Variants in TST observed in about 807,000 individuals in gnomAD.
TST encodes thiosulfate sulfurtransferase, also known as epididymis secretory sperm binding protein.
A neutral mutation model predicts 20.4 loss-of-function variants in TST; 22 were observed. The ratio of observed to expected loss-of-function variants is 1.08; its 90% confidence interval spans 0.77 to 1.54. The LOEUF (loss-of-function observed/expected upper bound fraction) is 1.54, where lower values mean the gene tolerates loss of function less well. Among genes scored for constraint, TST ranks in the 40% most tolerant of loss-of-function variants. The pLI is 0.00. For synonymous variants in TST, 187 were observed against 173.8 expected (o/e 1.08, Z -0.60); for missense variants, 392 against 405.2 (o/e 0.97, Z 0.28).
chr22:37,015,692 T>G (rs140768200), intron 2 of TST, among the ~76,000 whole-genome samples: 2,320 of 152,330 alleles, frequency 0.015, 20 homozygotes, highest in Non-Finnish European at 0.023. Flanking sequence ...CCCCCAGGTC[T>G]GCCACCCCCA....
At chr22:37,016,304 C>T (rs1325835086) in intron 2 of TST, among the ~76,000 whole-genome samples, 4 of 152,060 alleles carry the variant, frequency 2.6e-5, no homozygotes, top group Non-Finnish European at 5.9e-5. Flanking sequence ...TGACTCTTCT[C>T]ATTTTATGAT....
Position 37,018,519 on chromosome 22 carries a change from C to T in TST, c.214G>A (p.Glu72Lys), listed in dbSNP as rs891012148. 2 of 1,594,512 alleles carry T rather than the reference C, an allele frequency of 1.3e-6. No individual in the cohort carries two copies. The highest frequency in any genetic ancestry group is 2.3e-5 in the East Asian group (1 of 43,942). ...CCAGCCTCGCTGGGCAGCATCATCT[C>T]GTAGGGCGACGCCGTGTCCCGGCAC... Reference protein sequence around the residue: ...EECRDTASPYEMMLPSEAGFA... With the variant: ...EECRDTASPYKMMLPSEAGFA... Residue 72 changes from glutamate (E) to lysine (K), a missense_variant, in exon 2 of 3, where the codon GAG becomes AAG. Coordinates refer to ENST00000249042, the MANE Select transcript of TST (RefSeq NM_003312.6).
intron 2 of TST, among the ~76,000 whole-genome samples, chr22:37,016,777 G>C (rs1005720475): frequency 1.3e-5 from 2 of 152,220 alleles, no homozygotes; most frequent in Admixed American, 1.3e-4. Context: ...CCTTCAGAGA[G>C]CAAGCAGGCA....
intron 2 of TST, among the ~76,000 whole-genome samples, chr22:37,014,826 G>A (rs1440814645): frequency 6.6e-6 from 1 of 152,104 alleles, no homozygotes; most frequent in Non-Finnish European, 1.5e-5. Flanking sequence ...GATTTTTAAG[G>A]CCAGGAAAAG....
At chr22:37,017,906 G>A (rs1441136394) in intron 2 of TST, among the ~76,000 whole-genome samples, 1 of 152,200 alleles carries the variant, frequency 6.6e-6, no homozygotes, top group Non-Finnish European at 1.5e-5. Flanking sequence ...CAGATGCTAG[G>A]TGGCTTCTTA....
rs1022238428 is a variant in TST at position 37,018,351 on chromosome 22, T to G, written c.382A>C (p.Asn128His). The G allele has an allele frequency of 3.7e-6, 6 of 1,613,996 alleles. No homozygotes were observed. The highest frequency in any genetic ancestry group is 5.1e-6 in the Non-Finnish European group (6 of 1,180,010). Residue 128 changes from asparagine to histidine, a missense_variant, in exon 2 of 3, where the codon AAT (asparagine) becomes CAT (histidine). Physicochemically the swap from Asn to His is moderately conservative, Grantham distance 68. Transcript: ENST00000249042. ...VFGHRTVSVL[N>H]GGFRNWLKEG... is the part of the protein sequence containing the mutation. ...TTCAGCCAGTTCCGGAAGCCACCAT[T>G]GAGCACTGATACGGTGCGGTGGCCA...
At chr22:37,018,838 C>G (rs1303309463) in intron 1 of TST, 85 bp from the exon 2 acceptor site, 5 of 941,396 alleles carry the variant, frequency 5.3e-6, no homozygotes, top group Non-Finnish European at 6.0e-6. Context: ...GGGAGAAGCT[C>G]TTTCTCCCTC....
chr22:37,018,711 G>C lies in TST; in HGVS notation c.22C>G (p.Arg8Gly). The C allele has an allele frequency of 6.0e-6, 9 of 1,507,988 alleles. No individual in the cohort carries two copies. Among genetic ancestry groups the C allele is most frequent in the Non-Finnish European group, 7.9e-6 (9 of 1,132,732 alleles). 93.4% of individuals were successfully genotyped at this position (1,507,988 alleles called of 1,614,324 possible). ...AGCCACTTGGTGGAGACCAGCGCCC[G>C]GTAGAGCACCTGATGAACCATGGCT... Reference protein sequence around the residue: MVHQVLYRALVSTKWLAE... With the variant: MVHQVLYGALVSTKWLAE... Residue 8 changes from arginine to glycine, a missense_variant, in exon 2 of 3, where the codon CGG (arginine) becomes GGG (glycine). By Grantham distance (125) the Arg-to-Gly change is moderately radical. Coordinates refer to ENST00000249042, the MANE Select transcript of TST (RefSeq NM_003312.6).
At position 37,011,262 on chromosome 22, in the gene TST, T is replaced by A; in HGVS notation, c.659A>T (p.Asp220Val). 2 of 1,613,812 alleles carry A rather than the reference T, an allele frequency of 1.2e-6. No individual in the cohort carries two copies. The highest frequency in any genetic ancestry group is 8.5e-7 in the Non-Finnish European group (1 of 1,179,998). Residue 220 changes from aspartate (D) to valine (V), a missense_variant, in exon 3 of 3, where the codon GAT becomes GTT. Asp to Val is a radical substitution (Grantham distance 152). Coordinates refer to ENST00000249042, the MANE Select transcript of TST (RefSeq NM_003312.6). Reference protein sequence around the residue: ...NMPFMDFLTEDGFEKGPEELR... With the variant: ...NMPFMDFLTEVGFEKGPEELR... ...CTCTTCTGGGCCCTTCTCGAAGCCATCCTCAGTCAGGAAGTCCATGAAAGG... is the reference window on the plus strand; with the variant it reads ...CTCTTCTGGGCCCTTCTCGAAGCCAACCTCAGTCAGGAAGTCCATGAAAGG...
chr22:37,013,885 GTTC>G (rs947226556), intron 2 of TST, among the ~76,000 whole-genome samples: 5 of 152,274 alleles, frequency 3.3e-5, no homozygotes, highest in East Asian at 3.9e-4. Context: ...GCCCCACTGT[GTTC>G]TTCTTATTAC....
intron 2 of TST, among the ~76,000 whole-genome samples, chr22:37,017,497 A>AC (rs1313981416): frequency 3.3e-5 from 5 of 150,800 alleles, no homozygotes; most frequent in South Asian, 4.3e-4. Context: ...CAGTCCCCCC[A>AC]CCCCCCGCTG....
At chr22:37,015,935 CTTTT>C (rs1000783141) in intron 2 of TST, among the ~76,000 whole-genome samples, 7 of 73,868 alleles carry the variant, frequency 9.5e-5, no homozygotes, top group Non-Finnish European at 1.5e-4. Flanking sequence ...GCCACTGCTA[CTTTT>C]TTTTTTTTTT....
At chr22:37,017,594 C>G (rs962696600) in intron 2 of TST, among the ~76,000 whole-genome samples, 5 of 149,812 alleles carry the variant, frequency 3.3e-5, no homozygotes, top group African/African-American at 1.3e-4. Context: ...TACAACTCTG[C>G]CGACGGGCTG....
At chr22:37,019,732 GC>G (rs1243403554), upstream of TST, 6,228 of 475,566 alleles carry the variant, frequency 0.013, 294 homozygotes, top group African/African-American at 0.1. Context: ...AGTGGCCGCG[GC>G]GGTGGGCTGT....
At position 37,011,320 on chromosome 22, in the gene TST, C is replaced by T. The variant is rs559274268; in HGVS notation, c.601G>A (p.Asp201Asn). 4 of 1,611,772 alleles carry T rather than the reference C, an allele frequency of 2.5e-6. No homozygotes were observed. The highest frequency in any genetic ancestry group is 3.4e-6 in the Non-Finnish European group (4 of 1,178,374). ...TEPEPDAVGL[D>N]SGHIRGAVNM... ...ACGGCACCACGGATATGGCCCGAGT[C>T]CAGTCCTGGGCAGGGCAGAGGACAC... is the stretch of plus-strand genomic sequence containing the variant. Residue 201 changes from aspartate (D) to asparagine (N), a missense_variant, in exon 3 of 3, where the codon GAC (aspartate) becomes AAC (asparagine). Physicochemically the swap from Asp to Asn is conservative, Grantham distance 23. Coordinates refer to ENST00000249042, the MANE Select transcript of TST (RefSeq NM_003312.6).
At chr22:37,017,300 C>T (rs763567889) in intron 2 of TST, among the ~76,000 whole-genome samples, 46 of 152,300 alleles carry the variant, frequency 3.0e-4, no homozygotes, top group Non-Finnish European at 5.0e-4. Flanking sequence ...ATCCACCTGG[C>T]CTTCCCTTCC....
intron 2 of TST, among the ~76,000 whole-genome samples, chr22:37,017,163 T>C (rs1601448377): frequency 6.6e-6 from 1 of 151,330 alleles, no homozygotes; most frequent in East Asian, 2.0e-4. Context: ...TCAGCAGGAG[T>C]GATGGCAGCG....
chr22:37,018,978 C>G (rs552174377), intron 1 of TST: 84 of 427,816 alleles, frequency 2.0e-4, no homozygotes, highest in African/African-American at 1.6e-3. Context: ...AGCGCAGAAG[C>G]GGGTGGGGCA....
chr22:37,019,626 C>T (rs1301450593), upstream of TST: 20 of 281,226 alleles, frequency 7.1e-5, no homozygotes, highest in Non-Finnish European at 1.3e-4. Context: ...CTGAGGGGGA[C>T]GCCGGGTGGC....
Sources: gnomAD v4.1 joint callset for allele counts (sites outside exome capture counted in the v4.1 genomes callset) on GRCh38, gnomAD v4.1.1 for gene constraint, MANE v1.5 for transcripts, NCBI Gene and HGNC (gene_info 2026-07-23, HGNC 2026-07-21) for gene names.